SPON1: variants seen among roughly 807,000 people sequenced by gnomAD.
The protein encoded by SPON1 is spondin-1.
In SPON1, 52 loss-of-function variants were observed where a neutral mutation model predicts 111.7. That is an observed-to-expected ratio of 0.47 (90% CI 0.37 to 0.59). The LOEUF (loss-of-function observed/expected upper bound fraction) is 0.59, where lower values mean the gene tolerates loss of function less well. SPON1 is among the 20% of genes least tolerant of loss of function. SPON1 has a pLI of 0.00. For synonymous variants in SPON1, 410 were observed against 395.8 expected (o/e 1.04, Z -0.43); for missense variants, 957 against 1,068.5 (o/e 0.90, Z 1.46).
At chr11:13,985,430 C>A (rs1258283448) in intron 2 of SPON1, among the ~76,000 whole-genome samples, 5 of 152,132 alleles carry the variant, frequency 3.3e-5, no homozygotes, top group African/African-American at 1.2e-4. Context: ...GCATTATTAT[C>A]CTATTTTCCA....
At chr11:14,033,266 C>T (rs1172475661) in intron 2 of SPON1, among the ~76,000 whole-genome samples, 1 of 152,180 alleles carries the variant, frequency 6.6e-6, no homozygotes, top group Non-Finnish European at 1.5e-5. Context: ...GTGTCTGGGG[C>T]TCTGCTTCCT....
rs782325359 is a variant in SPON1, at chr11:14,262,846, C to A, written c.2131C>A (p.Gln711Lys). ...AGGTGCACCCTGCCCAGAGACTGTG[C>A]AGCGAAAAAAGTGCCGCATCCGAAA... ...FGGAPCPETV[Q>K]RKKCRIRKCL... Residue 711 changes from glutamine to lysine, a missense_variant, in exon 15 of 16, where the codon CAG becomes AAG. Gln to Lys is a moderately conservative substitution (Grantham distance 53). Around this residue, in one of 5 missense-constraint regions of SPON1, gnomAD observed 549 missense variants for 606.2 expected, o/e 0.91. Coordinates refer to ENST00000576479, the MANE Select transcript of SPON1 (RefSeq NM_006108.4). 5.6e-6 allele frequency: 9 copies of A among 1,613,730 alleles called. No individual in the cohort carries two copies. The highest frequency in any genetic ancestry group is 7.6e-6 in the Non-Finnish European group (9 of 1,179,818).
intron 5 of SPON1, among the ~76,000 whole-genome samples, chr11:14,119,535 G>C (rs183707402): frequency 6.6e-6 from 1 of 152,294 alleles, no homozygotes; most frequent in East Asian, 1.9e-4. Flanking sequence ...CAGTCAACAG[G>C]AAGAGGCCCT....
At chr11:14,111,386 C>T (rs1849225799) in intron 5 of SPON1, among the ~76,000 whole-genome samples, 1 of 152,190 alleles carries the variant, frequency 6.6e-6, no homozygotes, top group Admixed American at 6.5e-5. Context: ...ATATCCCCAG[C>T]TCCAGCACCA....
intron 6 of SPON1, among the ~76,000 whole-genome samples, chr11:14,219,375 G>A (rs1848656718): frequency 6.6e-6 from 1 of 152,172 alleles, no homozygotes; most frequent in African/African-American, 2.4e-5. Context: ...TCAAAGTGTA[G>A]ACAGTATGTA....
intron 6 of SPON1, among the ~76,000 whole-genome samples, chr11:14,152,360 A>G (rs1376245310): frequency 1.3e-5 from 2 of 152,216 alleles, no homozygotes; most frequent in African/African-American, 4.8e-5. Flanking sequence ...TTCAAAGGCA[A>G]AACTACTGCT....
Position 14,135,506 on chromosome 11 carries a change from G to A in SPON1, c.763G>A (p.Gly255Ser). 6.2e-7 allele frequency: 1 copy of A among 1,613,962 alleles called. No individual in the cohort carries two copies. Among genetic ancestry groups the A allele is most frequent in the South Asian group, 1.1e-5 (1 of 91,078 alleles). The change falls in exon 6 of 16, where the codon GGC becomes AGC. Residue 255 changes from glycine (G) to serine (S), a missense_variant. By Grantham distance (56) the Gly-to-Ser change is moderately conservative (BLOSUM62 0). Coordinates refer to ENST00000576479, the MANE Select transcript of SPON1 (RefSeq NM_006108.4). This position sits in a 1 kb window ranked among gnomAD's most constrained non-coding sequence, Gnocchi z 4.4. ...GGAATATGGAGGATATGCCAGCGAA[G>A]GCGTCAAACAAGTTGCAGAATTGGG... The part of the protein sequence containing the change: ...LWEYGGYASE[G>S]VKQVAELGSP...
intron 6 of SPON1, among the ~76,000 whole-genome samples, chr11:14,145,355 T>C (rs1847704998): frequency 6.6e-6 from 1 of 152,184 alleles, no homozygotes; most frequent in Non-Finnish European, 1.5e-5. Flanking sequence ...AATCTCTGTA[T>C]GAGAGAAATG....
chr11:14,198,183 T>TA (rs1475364107), intron 6 of SPON1, among the ~76,000 whole-genome samples: 1 of 152,246 alleles, frequency 6.6e-6, no homozygotes, highest in Non-Finnish European at 1.5e-5. Flanking sequence ...TAATTGTCTT[T>TA]AAAATCTCTT....
At position 14,235,580 on chromosome 11, in the gene SPON1, G is replaced by A. The variant is rs552402692; in HGVS notation, c.826-7752G>A. ...TGTAGTCCCAGCTATTTGGTATGCT[G>A]AGGGTAGAAGGATGGCTTGAGCCCA... On this transcript the variant is annotated intron_variant, in intron 6 of 15. Transcript: ENST00000576479. Among the ~76,000 whole-genome samples the A allele has an allele frequency of 1.1e-4, 16 of 149,234 alleles. No individual in the cohort carries two copies. The South Asian group carries it at 3.5e-3, about 33-fold the overall frequency.
Position 14,259,660 on chromosome 11 carries a change from C to T in SPON1, c.1790C>T (p.Ala597Val), listed in dbSNP as rs1591430461. ...CCCGCAGATGGCTCCATGTGCAAAGCCGAGACATCACAGGCAGAGAAGTGC... is the reference window on the plus strand; with the variant it reads ...CCCGCAGATGGCTCCATGTGCAAAGTCGAGACATCACAGGCAGAGAAGTGC... The part of the protein sequence containing the change: ...MNPADGSMCK[A>V]ETSQAEKCMM... The change falls in exon 13 of 16, where the codon GCC (alanine) becomes GTC (valine). Residue 597 changes from alanine (A) to valine (V), a missense_variant. Physicochemically the swap from Ala to Val is moderately conservative, Grantham distance 64. Transcript: ENST00000576479. This position sits in a 1 kb window ranked among gnomAD's most constrained non-coding sequence, Gnocchi z 5.0. 6.4e-7 allele frequency: 1 copy of T among 1,571,210 alleles called. No individual in the cohort carries two copies. The highest frequency in any genetic ancestry group is 8.6e-7 in the Non-Finnish European group (1 of 1,158,360).
chr11:14,128,462 G>A (rs75111182), intron 5 of SPON1, among the ~76,000 whole-genome samples: 3,310 of 152,330 alleles, frequency 0.022, 121 homozygotes, highest in African/African-American at 0.075. Flanking sequence ...CCACGTCGAT[G>A]TAAGAGGTGG....
At chr11:14,122,869 T>C (rs1172603438) in intron 5 of SPON1, among the ~76,000 whole-genome samples, 1 of 152,144 alleles carries the variant, frequency 6.6e-6, no homozygotes, top group Non-Finnish European at 1.5e-5. Context: ...GGAACTCCTG[T>C]TATTGACTGT....
At chr11:14,012,081 G>A (rs1450448106) in intron 2 of SPON1, among the ~76,000 whole-genome samples, 1 of 152,168 alleles carries the variant, frequency 6.6e-6, no homozygotes, top group Admixed American at 6.6e-5. Flanking sequence ...CCAACTCTTG[G>A]GATGGGATGC....
At chr11:14,005,657 A>G (rs1213770192) in intron 2 of SPON1, among the ~76,000 whole-genome samples, 3 of 152,226 alleles carry the variant, frequency 2.0e-5, no homozygotes, top group Non-Finnish European at 4.4e-5. Context: ...CTGTCTGAAA[A>G]ACAAATAATA....
rs114388362 is a variant in SPON1, at chr11:14,195,274, T to C, written c.826-48058T>C. Among the ~76,000 whole-genome samples the C allele has an allele frequency of 5.3e-3, 810 of 152,350 alleles. 8 individuals are homozygous for C. Among genetic ancestry groups the C allele is most frequent in the African/African-American group, 0.018 (766 of 41,586 alleles). On this transcript the variant is annotated intron_variant, in intron 6 of 15. Transcript: ENST00000576479. ...GTGTGCAAAGCCCTTCATGAAGTCA[T>C]ATCCATTTGATCATAAATAAGCTCA...
At chr11:14,082,876 C>G (rs1848975012) in intron 5 of SPON1, among the ~76,000 whole-genome samples, 1 of 152,140 alleles carries the variant, frequency 6.6e-6, no homozygotes, top group African/African-American at 2.4e-5. Context: ...GCCAAGCCCC[C>G]CTGTCCTTTA....
At chr11:14,042,567 G>T (rs891001054) in intron 3 of SPON1, among the ~76,000 whole-genome samples, 1 of 152,152 alleles carries the variant, frequency 6.6e-6, no homozygotes, top group Non-Finnish European at 1.5e-5. Context: ...ATGGGTAGAT[G>T]GAGAGGGTTC....
At position 14,015,423 on chromosome 11, in the gene SPON1, T is replaced by A. The variant is rs1487534105; in HGVS notation, c.346-26098T>A. On this transcript the variant is annotated intron_variant, in intron 2 of 15. Transcript: ENST00000576479. Reference sequence around the variant, plus strand: ...TTTATAAGGTCACTAATCCCATTTATGAGGGCTCTGCCCTCATGACTTAAT... The same window carrying A: ...TTTATAAGGTCACTAATCCCATTTAAGAGGGCTCTGCCCTCATGACTTAAT... 3.3e-5 allele frequency among the ~76,000 whole-genome samples: 5 copies of A among 152,336 alleles called. No homozygotes were observed. The East Asian group carries it at 9.6e-4, about 29-fold the overall frequency.
Sources: gnomAD v4.1 joint callset for allele counts (sites outside exome capture counted in the v4.1 genomes callset) on GRCh38, gnomAD v4.1.1 for gene constraint, gnomAD v4.1.1 regional missense constraint, Gnocchi (gnomAD v3.1) non-coding constraint, MANE v1.5 for transcripts, NCBI Gene and HGNC (gene_info 2026-07-23, HGNC 2026-07-21) for gene names.